Variants in SH3GLB1 observed in about 807,000 individuals in gnomAD.
SH3GLB1 encodes the protein endophilin-B1.
SH3GLB1 carries 17 observed loss-of-function variants against 42.0 expected under a neutral mutation model. The observed-to-expected ratio is 0.40, with a 90% CI of 0.28 to 0.61. The LOEUF is 0.61. Among genes scored for constraint, SH3GLB1 ranks in the 20% least tolerant of loss-of-function variants. The probability of loss-of-function intolerance (pLI) is 0.36; values close to 1 mark genes in which losing one functional copy is unlikely to be tolerated. For synonymous variants in SH3GLB1, 132 were observed against 146.6 expected, an observed-to-expected ratio of 0.90 and a Z score of 0.72; for missense variants, 355 against 426.3, an observed-to-expected ratio of 0.83 and a Z score of 1.47.
intron 3 of SH3GLB1, among the ~76,000 whole-genome samples, chr1:86,722,205 T>C (rs1654905225): frequency 6.6e-6 from 1 of 151,250 alleles, no homozygotes; most frequent in Non-Finnish European, 1.5e-5. Flanking sequence ...CGTGGTTGGT[T>C]GAATCCATGG....
chr1:86,705,090 G>C (rs890721756), intron 1 of SH3GLB1, 119 bp downstream of exon 1: 6 of 620,802 alleles, frequency 9.7e-6, no homozygotes, highest in South Asian at 6.9e-5. Context: ...GCTGCAGCCA[G>C]AGGCCTGGGA....
At chr1:86,717,310 CA>C (rs1469086555) in intron 2 of SH3GLB1, among the ~76,000 whole-genome samples, 1 of 152,192 alleles carries the variant, frequency 6.6e-6, no homozygotes, top group African/African-American at 2.4e-5. Flanking sequence ...AGCTCATTCA[CA>C]ACTGGTAAAC....
At chr1:86,706,617 A>G (rs945689806) in intron 1 of SH3GLB1, among the ~76,000 whole-genome samples, 1 of 152,204 alleles carries the variant, frequency 6.6e-6, no homozygotes, top group African/African-American at 2.4e-5. Context: ...ACACTTGTAC[A>G]CTTTTAACAT....
intron 5 of SH3GLB1, chr1:86,730,213 G>C: frequency 6.7e-7 from 1 of 1,487,760 alleles, no homozygotes; most frequent in Non-Finnish European, 9.0e-7. Flanking sequence ...GTCACAGTCT[G>C]TGTTAGTATA....
chr1:86,743,401 A>G lies in SH3GLB1; in HGVS notation c.*166A>G. ...AATAAAGTTGCATGGTAAATATTTCATTACAGAATTTATGTTAGAGCTTTC... is the reference window on the plus strand; with the variant it reads ...AATAAAGTTGCATGGTAAATATTTCGTTACAGAATTTATGTTAGAGCTTTC... On this transcript the variant is annotated 3_prime_UTR_variant, in exon 9 of 9. Coordinates refer to ENST00000370558, the MANE Select transcript of SH3GLB1 (RefSeq NM_016009.5). 1 of 404,964 alleles carries G rather than the reference A, an allele frequency of 2.5e-6. No homozygotes were observed. The highest frequency in any genetic ancestry group is 3.7e-5 in the East Asian group (1 of 26,852). 25.1% of individuals were successfully genotyped at this position (404,964 alleles called of 1,614,324 possible).
intron 1 of SH3GLB1, among the ~76,000 whole-genome samples, chr1:86,712,454 T>G (rs1288857095): frequency 6.6e-6 from 1 of 152,210 alleles, no homozygotes; most frequent in Admixed American, 6.5e-5. Context: ...ATCCCAACAA[T>G]GACACCTTGG....
At position 86,724,912 on chromosome 1, in the gene SH3GLB1, T is replaced by TAA. The variant is rs375596882; in HGVS notation, c.570+510_570+511dup. ...AAAAAAATATATATATATATATATA[T>TAA]AAAATATATAATATATATGTGTGTG... On this transcript the variant is annotated intron_variant, in intron 5 of 8. Transcript: ENST00000370558. Among the ~76,000 whole-genome samples, 24 of 123,112 alleles carry TAA rather than the reference T, an allele frequency of 1.9e-4. 3 individuals carry two copies. Among genetic ancestry groups the TAA allele is most frequent in the African/African-American group, 7.6e-4 (21 of 27,796 alleles). The allele number at this position is 123,112 out of a possible 152,430, so 80.8% of individuals were successfully genotyped here.
chr1:86,734,656 A>G lies in SH3GLB1; in HGVS notation c.625A>G (p.Thr209Ala). 1 of 1,613,306 alleles carries G rather than the reference A, an allele frequency of 6.2e-7. No individual in the cohort carries two copies. Among genetic ancestry groups the G allele is most frequent in the East Asian group, 2.2e-5 (1 of 44,816 alleles). The change falls in exon 6 of 9, where the codon ACC (threonine) becomes GCC (alanine). Residue 209 changes from threonine to alanine, a missense_variant. By Grantham distance (58) the Thr-to-Ala change is moderately conservative (BLOSUM62 0). Coordinates refer to ENST00000370558, the MANE Select transcript of SH3GLB1 (RefSeq NM_016009.5). Reference protein sequence around the residue: ...QSEFDRQAEITRLLLEGISST... With the variant: ...QSEFDRQAEIARLLLEGISST... ...TGAATTTGATCGTCAAGCAGAGATT[A>G]CCAGACTTCTGCTAGAGGGAATCAG...
chr1:86,716,727 A>G (rs1480321449), intron 2 of SH3GLB1, among the ~76,000 whole-genome samples: 1 of 152,222 alleles, frequency 6.6e-6, no homozygotes, highest in Non-Finnish European at 1.5e-5. Flanking sequence ...GCATCTTGTC[A>G]AATGTAGCAT....
At chr1:86,726,892 GGT>G (rs1655225925) in intron 5 of SH3GLB1, among the ~76,000 whole-genome samples, 1 of 151,134 alleles carries the variant, frequency 6.6e-6, no homozygotes, top group African/African-American at 2.4e-5. Flanking sequence ...TACATTTCCT[GGT>G]TCCTAGTTGG....
rs755702864 is a variant in SH3GLB1 at position 86,704,888 on chromosome 1, C to T, written c.-12C>T. ...CGCTAGGTCGGCCGGCTCCGCCCGGCTGCCGCCTAGGATGAATATCATGGA... is the reference window on the plus strand; with the variant it reads ...CGCTAGGTCGGCCGGCTCCGCCCGGTTGCCGCCTAGGATGAATATCATGGA... On this transcript the variant is annotated 5_prime_UTR_variant, in exon 1 of 9. Coordinates refer to ENST00000370558, the MANE Select transcript of SH3GLB1 (RefSeq NM_016009.5). The T allele has an allele frequency of 1.6e-5, 25 of 1,562,358 alleles. No individual in the cohort carries two copies. The highest frequency in any genetic ancestry group is 2.2e-5 in the Non-Finnish European group (25 of 1,156,794).
At chr1:86,719,774 T>C (rs1327775977) in intron 3 of SH3GLB1, 139 bp downstream of exon 3, 2 of 677,598 alleles carry the variant, frequency 3.0e-6, no homozygotes, top group African/African-American at 1.9e-5. Context: ...GGTGGGCGGA[T>C]CATGAGGTCA....
chr1:86,724,496 T>G, intron 5 of SH3GLB1, 91 bp downstream of exon 5: 1 of 1,008,340 alleles, frequency 9.9e-7, no homozygotes, highest in East Asian at 2.7e-5. Flanking sequence ...ACTATTAACT[T>G]TAGAGTCTTG....
chr1:86,714,184 ATT>A lies in SH3GLB1; in HGVS notation c.73-1537_73-1536del, dbSNP rs1473395422. ...CTATTGGTCACTTTATCTGGGAGTT[ATT>A]TTATCTAGCCATTGGTGGTAGACTT... On this transcript the variant is annotated intron_variant, in intron 1 of 8. Transcript: ENST00000370558. 7.2e-5 allele frequency among the ~76,000 whole-genome samples: 11 copies of A among 152,200 alleles called. No individual in the cohort carries two copies. The South Asian group carries it at 1.9e-3, about 26-fold the overall frequency.
chr1:86,739,817 G>A (rs972669333), intron 7 of SH3GLB1, among the ~76,000 whole-genome samples: 3 of 152,110 alleles, frequency 2.0e-5, no homozygotes, highest in Non-Finnish European at 2.9e-5. Flanking sequence ...TGCACATATG[G>A]AGGAATTAGC....
intron 7 of SH3GLB1, 39 bp downstream of exon 7, chr1:86,735,218 A>G (rs1253226408): frequency 1.4e-6 from 2 of 1,405,932 alleles, no homozygotes; most frequent in Non-Finnish European, 2.0e-6. Context: ...GGAGAAATTC[A>G]GATTTTTGCT....
At chr1:86,742,064 A>G (rs747165634) in intron 7 of SH3GLB1, 144 bp from the exon 8 acceptor site, 3 of 611,680 alleles carry the variant, frequency 4.9e-6, no homozygotes, top group African/African-American at 1.9e-5. Flanking sequence ...GAAGATAGAT[A>G]TACTTTGTCA....
In SH3GLB1 at chr1:86,715,881, T is replaced by G. The variant is rs529669123; in HGVS notation, c.214+16T>G. On this transcript the variant is annotated intron_variant, in intron 2 of 8. Transcript: ENST00000370558. Reference sequence around the variant, plus strand: ...CCAAATCCAAGTAAGAAACTCTACCTCTTGTGTACCTTAAGTACTATTAGT... The same window carrying G: ...CCAAATCCAAGTAAGAAACTCTACCGCTTGTGTACCTTAAGTACTATTAGT... 1 of 1,600,892 alleles carries G rather than the reference T, an allele frequency of 6.2e-7. No homozygotes were observed. The highest frequency in any genetic ancestry group is 8.5e-7 in the Non-Finnish European group (1 of 1,177,096).
chr1:86,724,884 A>AT (rs1436043734), intron 5 of SH3GLB1, among the ~76,000 whole-genome samples: 17 of 104,290 alleles, frequency 1.6e-4, no homozygotes, highest in African/African-American at 8.0e-4. Context: ...TAAAAAAAAA[A>AT]AAAAAAAAAT....
Sources: gnomAD v4.1 joint callset for allele counts (sites outside exome capture counted in the v4.1 genomes callset) on GRCh38, gnomAD v4.1.1 for gene constraint, MANE v1.5 for transcripts, NCBI Gene and HGNC (gene_info 2026-07-23, HGNC 2026-07-21) for gene names.